Variants in ZNF229 observed in about 807,000 individuals in gnomAD.
ZNF229 encodes zinc finger protein 229.
Under a neutral mutation model 11.8 loss-of-function variants are expected in ZNF229, and 10 were observed. That is an observed-to-expected ratio of 0.85 (90% confidence interval 0.52 to 1.44). ZNF229 has a LOEUF of 1.44. ZNF229 is among the 40% of genes most tolerant of loss of function. The pLI, the probability that ZNF229 is intolerant of heterozygous loss-of-function variation, is 0.00. For missense variants in ZNF229, 1,045 were observed against 1,015.1 expected (o/e 1.03, Z -0.40); for synonymous variants, 368 against 374.8 (o/e 0.98, Z 0.21).
chr19:44,427,509 T>C lies in ZNF229; in HGVS notation c.*794A>G, dbSNP rs907077748. ...AATACTATCAGTGGTAAAAAAAAAG[T>C]CATTTTTTTAAAGTGAAAAAAAATC... is the stretch of plus-strand genomic sequence containing the variant. On this transcript the variant is annotated 3_prime_UTR_variant, in exon 6 of 6. Transcript: ENST00000614049. 2 of 142,562 alleles carry C rather than the reference T, an allele frequency of 1.4e-5. No individual in the cohort carries two copies. Among genetic ancestry groups the C allele is most frequent in the African/African-American group, 2.6e-5 (1 of 37,778 alleles). 8.8% of individuals were successfully genotyped at this position (142,562 alleles called of 1,614,324 possible). A position where few individuals can be genotyped will look rare whatever the true frequency, so the allele number is the denominator to read the frequency against.
At chr19:44,438,675 T>A (rs1320793462) in intron 4 of ZNF229, among the ~76,000 whole-genome samples, 1 of 151,952 alleles carries the variant, frequency 6.6e-6, no homozygotes, top group Non-Finnish European at 1.5e-5. Flanking sequence ...TACTTCCCCC[T>A]CCCCCAACCT....
At chr19:44,447,249 TACTCTA>T (rs1470511697) in intron 2 of ZNF229, among the ~76,000 whole-genome samples, 6 of 151,304 alleles carry the variant, frequency 4.0e-5, no homozygotes, top group Admixed American at 6.6e-5. Flanking sequence ...CCATCACAGT[TACTCTA>T]ATTATTTCTA....
rs750849502 is a variant in ZNF229 at position 44,429,082 on chromosome 19, T to C, written c.1699A>G (p.Thr567Ala). The C allele has an allele frequency of 1.4e-5, 23 of 1,613,666 alleles. No individual in the cohort carries two copies. The highest frequency in any genetic ancestry group is 1.2e-5 in the Non-Finnish European group (14 of 1,179,898). Residue 567 changes from threonine to alanine, a missense_variant, in exon 6 of 6, where the codon ACA becomes GCA. Thr to Ala is a moderately conservative substitution (Grantham distance 58). Coordinates refer to ENST00000614049, the MANE Select transcript of ZNF229 (RefSeq NM_014518.4). ...SDLHIHQRVH[T>A]GEKPYKCSEC... ...CTGCATTTATAGGGTTTCTCTCCTG[T>C]GTGGACCCTCTGATGGATGTGGAGG...
intron 4 of ZNF229, among the ~76,000 whole-genome samples, chr19:44,433,738 C>T (rs1349200006): frequency 6.6e-6 from 1 of 152,086 alleles, no homozygotes; most frequent in South Asian, 2.1e-4. Context: ...ATAAATCACC[C>T]AGTCTCGGGT....
intron 4 of ZNF229, among the ~76,000 whole-genome samples, chr19:44,436,921 GTATA>G (rs903723536): frequency 6.6e-6 from 1 of 150,748 alleles, no homozygotes; most frequent in African/African-American, 2.4e-5. Context: ...ATATGTGTGT[GTATA>G]TATATATATT....
At chr19:44,436,296 A>T (rs1971812755) in intron 4 of ZNF229, among the ~76,000 whole-genome samples, 1 of 151,716 alleles carries the variant, frequency 6.6e-6, no homozygotes, top group South Asian at 2.1e-4. Flanking sequence ...TGGGGGTTCA[A>T]GGCTGCAGTG....
rs1568402524 is a variant in ZNF229 at position 44,429,935 on chromosome 19, C to CG, written c.845dup (p.His283AlafsTer14). 1 of 1,613,894 alleles carries CG rather than the reference C, an allele frequency of 6.2e-7. No homozygotes were observed. Among genetic ancestry groups the CG allele is most frequent in the Non-Finnish European group, 8.5e-7 (1 of 1,179,906 alleles). Reference sequence around the variant, plus strand: ...TCTCTTTCAAAGGTACTCTTGGATGCGGGGGAAGGTCTGCATCGTCCCTGA... The same window carrying CG: ...TCTCTTTCAAAGGTACTCTTGGATGCGGGGGGAAGGTCTGCATCGTCCCTGA... On this transcript the variant is annotated frameshift_variant, in exon 6 of 6. Coordinates refer to ENST00000614049, the MANE Select transcript of ZNF229 (RefSeq NM_014518.4). LOFTEE classifies it low-confidence loss of function (END_TRUNC).
intron 4 of ZNF229, among the ~76,000 whole-genome samples, chr19:44,432,756 G>C (rs950787618): frequency 2.0e-5 from 3 of 151,624 alleles, no homozygotes; most frequent in Admixed American, 6.6e-5. Context: ...CGAGGTAATG[G>C]GTGCAGCACA....
chr19:44,440,472 G>A (rs1183976239), intron 4 of ZNF229, among the ~76,000 whole-genome samples: 1 of 152,020 alleles, frequency 6.6e-6, no homozygotes, highest in African/African-American at 2.4e-5. Flanking sequence ...TAATGCCCGA[G>A]AGAACAGAGC....
Position 44,428,892 on chromosome 19 carries a change from C to T in ZNF229, c.1889G>A (p.Cys630Tyr). 6.2e-7 allele frequency: 1 copy of T among 1,613,332 alleles called. No homozygotes were observed. Among genetic ancestry groups the T allele is most frequent in the East Asian group, 2.2e-5 (1 of 44,804 alleles). Residue 630 changes from cysteine to tyrosine, a missense_variant, in exon 6 of 6, where the codon TGT becomes TAT. By Grantham distance (194) the Cys-to-Tyr change is radical. Coordinates refer to ENST00000614049, the MANE Select transcript of ZNF229 (RefSeq NM_014518.4). ...ACTGAAGCCTTTGCCACACTCAGCA[C>T]ATTTATAGGGTTTCTCTCCAGTGTG... ...RVHTGEKPYK[C>Y]AECGKGFSYS...
At chr19:44,433,204 C>T (rs1560915) in intron 4 of ZNF229, among the ~76,000 whole-genome samples, 58,203 of 151,926 alleles carry the variant, frequency 0.38, 12,373 homozygotes, top group South Asian at 0.6. Flanking sequence ...ACTACAGGCA[C>T]GCACCACCAC....
chr19:44,442,496 G>T (rs1971929718), intron 4 of ZNF229, 67 bp downstream of exon 4: 2 of 1,547,656 alleles, frequency 1.3e-6, no homozygotes, highest in South Asian at 2.3e-5. Flanking sequence ...CTTTTACCGA[G>T]AAGGGACGTA....
rs1332031619 is a variant in ZNF229, at chr19:44,442,634, A to G, written c.35-13T>C. 6.2e-7 allele frequency: 1 copy of G among 1,613,810 alleles called. No individual in the cohort carries two copies. Among genetic ancestry groups the G allele is most frequent in the Non-Finnish European group, 8.5e-7 (1 of 1,179,968 alleles). On this transcript the variant is annotated splice_polypyrimidine_tract_variant and intron_variant, in intron 3 of 5. Coordinates refer to ENST00000614049, the MANE Select transcript of ZNF229 (RefSeq NM_014518.4). ...TGAGAATGAAGAGCTGTAGGAGGAG[A>G]AAGAGGCCATGAGGAGGAGTTGGTG...
intron 2 of ZNF229, 22 bp from the exon 3 acceptor site, chr19:44,443,046 T>G: frequency 1.6e-6 from 1 of 623,754 alleles, no homozygotes; most frequent in Non-Finnish European, 2.8e-6. Context: ...GGAGGGAACT[T>G]TACTTAGTCC....
At chr19:44,438,650 G>T (rs1403178829) in intron 4 of ZNF229, among the ~76,000 whole-genome samples, 3 of 152,116 alleles carry the variant, frequency 2.0e-5, no homozygotes, top group Non-Finnish European at 1.5e-5. Context: ...AAGGATTAGA[G>T]GATTAGACTT....
In ZNF229 at chr19:44,428,444, G is replaced by C. The variant is rs1361711620; in HGVS notation, c.2337C>G (p.Arg779=). The C allele has an allele frequency of 4.3e-6, 7 of 1,613,852 alleles. No individual in the cohort carries two copies. The South Asian group carries it at 7.7e-5, about 18-fold the overall frequency. Residue 779 remains arginine, a synonymous_variant, in exon 6 of 6, where the codon CGC becomes CGG. Coordinates refer to ENST00000614049, the MANE Select transcript of ZNF229 (RefSeq NM_014518.4). Reference sequence around the variant, plus strand: ...TCTGATGAACATGAAGACAGGAGTTGCGGCCAAAGCCCTTCCCACACTCCT... The same window carrying C: ...TCTGATGAACATGAAGACAGGAGTTCCGGCCAAAGCCCTTCCCACACTCCT... ...KCEECGKGFG[R]NSCLHVHQRV...
chr19:44,430,100 A>T lies in ZNF229; in HGVS notation c.681T>A (p.Cys227Ter). 2 of 1,614,132 alleles carry T rather than the reference A, an allele frequency of 1.2e-6. No homozygotes were observed. The highest frequency in any genetic ancestry group is 1.7e-6 in the Non-Finnish European group (2 of 1,180,032). Residue 227 changes from cysteine (C) to a stop codon, truncating the protein, a stop_gained, in exon 6 of 6, where the codon TGT becomes TGA. Transcript: ENST00000614049. LOFTEE classifies it low-confidence loss of function (END_TRUNC). ...TTTCAGGGAATCTGTGATCAACATGACAAGATATCCAGCAAAAGCTGTCAT... is the reference window on the plus strand; with the variant it reads ...TTTCAGGGAATCTGTGATCAACATGTCAAGATATCCAGCAAAAGCTGTCAT... Reference protein sequence around the residue: ...WDDDSFCWISCHVDHRFPEID... With the variant: ...WDDDSFCWIS
chr19:44,436,145 G>A (rs1031516613), intron 4 of ZNF229, among the ~76,000 whole-genome samples: 1 of 152,154 alleles, frequency 6.6e-6, no homozygotes. Flanking sequence ...CTCGGACATG[G>A]GAGGATTACT....
Position 44,429,078 on chromosome 19 carries a change from CCT to C in ZNF229, c.1701_1702del (p.Gly568ArgfsTer5), listed in dbSNP as rs760394984. 4.3e-6 allele frequency: 7 copies of C among 1,613,848 alleles called. No individual in the cohort carries two copies. In the South Asian group the frequency reaches 7.7e-5, roughly 18 times the overall value. ...CTCACTGCATTTATAGGGTTTCTCT[CCT>C]GTGTGGACCCTCTGATGGATGTGGA... On this transcript the variant is annotated frameshift_variant, in exon 6 of 6. Transcript: ENST00000614049. LOFTEE classifies it low-confidence loss of function (END_TRUNC).
Sources: gnomAD v4.1 joint callset for allele counts (sites outside exome capture counted in the v4.1 genomes callset) on GRCh38, gnomAD v4.1.1 for gene constraint, MANE v1.5 for transcripts, NCBI Gene and HGNC (gene_info 2026-07-23, HGNC 2026-07-21) for gene names.